The following SLC2A13 variants were observed in gnomAD, a reference collection of about 807,000 sequenced individuals.
The protein encoded by SLC2A13 is solute carrier family 2 member 13, also known as proton myo-inositol cotransporter.
A neutral mutation model predicts 64.4 loss-of-function variants in SLC2A13; 32 were observed. That is an observed-to-expected ratio of 0.50 (90% CI 0.37 to 0.67). The LOEUF (loss-of-function observed/expected upper bound fraction) is 0.67. Ranked by LOEUF, SLC2A13 falls within the 30% of genes least tolerant of loss-of-function variation. The pLI, the probability that SLC2A13 is intolerant of heterozygous loss-of-function variation, is 0.00. For synonymous variants in SLC2A13, 338 were observed against 327.1 expected (o/e 1.03, Z -0.36); for missense variants, 743 against 829.2 (o/e 0.90, Z 1.28).
At position 39,757,818 on chromosome 12, in the gene SLC2A13, T is replaced by C. The variant is rs992455914; in HGVS notation, c.*2208A>G. ...AGTTTCTCCTTTAATAAAGTTACTG[T>C]GCATCAGCCCAGCTGAGTTTATAAG... is the stretch of plus-strand genomic sequence containing the variant. On this transcript the variant is annotated 3_prime_UTR_variant, in exon 10 of 10. Transcript: ENST00000280871. 5.9e-5 allele frequency: 9 copies of C among 152,276 alleles called. No homozygotes were observed. Among genetic ancestry groups the C allele is most frequent in the African/African-American group, 2.2e-4 (9 of 41,370 alleles). The allele number at this position is 152,276 out of a possible 1,614,324, so 9.4% of individuals were successfully genotyped here.
chr12:39,901,886 T>C (rs1470314548), intron 4 of SLC2A13, among the ~76,000 whole-genome samples: 91 of 151,374 alleles, frequency 6.0e-4, no homozygotes, highest in Admixed American at 1.3e-3. Flanking sequence ...TAAAGACACA[T>C]GCACACGTAT....
intron 1 of SLC2A13, among the ~76,000 whole-genome samples, chr12:40,103,289 G>A (rs546752284): frequency 8.4e-4 from 128 of 151,972 alleles, no homozygotes; most frequent in Non-Finnish European, 1.7e-3. Context: ...TCCTTTCCTC[G>A]TTTCTGTTAA....
intron 2 of SLC2A13, among the ~76,000 whole-genome samples, chr12:40,042,530 T>C (rs760548506): frequency 5.9e-5 from 9 of 152,224 alleles, no homozygotes; most frequent in Admixed American, 2.0e-4. Context: ...ATTAATGATT[T>C]AATTTTTATC....
At chr12:40,034,405 C>T (rs1458132369) in intron 2 of SLC2A13, among the ~76,000 whole-genome samples, 1 of 152,152 alleles carries the variant, frequency 6.6e-6, no homozygotes, top group African/African-American at 2.4e-5. Context: ...AATCTTGATA[C>T]TTTCTGAAAC....
At chr12:39,950,643 T>C (rs1165041650) in intron 4 of SLC2A13, 1 of 152,236 alleles carries the variant, frequency 6.6e-6, no homozygotes, top group Non-Finnish European at 1.5e-5. Context: ...AAAATGGGTT[T>C]AATACTGAAT....
intron 1 of SLC2A13, among the ~76,000 whole-genome samples, chr12:40,077,393 A>G (rs1238690288): frequency 6.6e-6 from 1 of 152,164 alleles, no homozygotes; most frequent in Non-Finnish European, 1.5e-5. Flanking sequence ...TTCAAACACC[A>G]TTTATTAAAT....
intron 3 of SLC2A13, among the ~76,000 whole-genome samples, chr12:39,983,173 C>A (rs1174581475): frequency 4.6e-5 from 7 of 151,564 alleles, no homozygotes; most frequent in Non-Finnish European, 8.8e-5. Flanking sequence ...ATACAAAACT[C>A]AATTCAAGAT....
intron 3 of SLC2A13, among the ~76,000 whole-genome samples, chr12:40,023,609 G>A (rs1280296899): frequency 6.6e-6 from 1 of 152,178 alleles, no homozygotes; most frequent in Non-Finnish European, 1.5e-5. Context: ...TTTGTCATGA[G>A]AGACAATTTT....
At chr12:39,810,068 T>C (rs546001530) in intron 7 of SLC2A13, among the ~76,000 whole-genome samples, 111 of 152,346 alleles carry the variant, frequency 7.3e-4, no homozygotes, top group African/African-American at 2.5e-3. Flanking sequence ...TCTAGATCCC[T>C]GAGGAATCGC....
rs1947759027 is a variant in SLC2A13 at position 40,023,717 on chromosome 12, CCCTA to C, written c.925+4580_925+4583del. Among the ~76,000 whole-genome samples the C allele has an allele frequency of 2.0e-5, 3 of 152,306 alleles. No homozygotes were observed. The South Asian group carries it at 6.2e-4, about 32-fold the overall frequency. On this transcript the variant is annotated intron_variant, in intron 3 of 9. Coordinates refer to ENST00000280871, the MANE Select transcript of SLC2A13 (RefSeq NM_052885.4). ...TCTCATCTCTAGTGACATGGACAGA[CCCTA>C]CTTTTAATATCATCTCTAATGAATT... is the stretch of plus-strand genomic sequence containing the variant.
At chr12:39,955,195 T>C (rs949818766) in intron 3 of SLC2A13, among the ~76,000 whole-genome samples, 5 of 152,134 alleles carry the variant, frequency 3.3e-5, no homozygotes, top group Non-Finnish European at 7.4e-5. Context: ...GAAATTAACA[T>C]AGAAATCAGT....
intron 7 of SLC2A13, among the ~76,000 whole-genome samples, chr12:39,779,422 T>G (rs1412200690): frequency 6.6e-6 from 1 of 152,194 alleles, no homozygotes; most frequent in Admixed American, 6.5e-5. Flanking sequence ...TTTGGGGGAC[T>G]TTTATGACCC....
intron 3 of SLC2A13, among the ~76,000 whole-genome samples, chr12:39,972,052 A>AGAATTTATATT (rs1946667329): frequency 8.3e-4 from 1 of 1,208 alleles, no homozygotes; most frequent in East Asian, 0.045. Context: ...ATTATATATA[A>AGAATTTATATT]TATATAAAAA....
intron 6 of SLC2A13, among the ~76,000 whole-genome samples, chr12:39,862,010 T>A (rs753706908): frequency 6.6e-6 from 1 of 152,178 alleles, no homozygotes; most frequent in Non-Finnish European, 1.5e-5. Context: ...TAGCTATTTA[T>A]CCAAAAGCTC....
At chr12:40,083,967 G>T (rs536324853) in intron 1 of SLC2A13, among the ~76,000 whole-genome samples, 1 of 152,160 alleles carries the variant, frequency 6.6e-6, no homozygotes, top group South Asian at 2.1e-4. Context: ...TCAACACCAG[G>T]TATCATTCAT....
chr12:40,037,156 G>T (rs937165099), intron 2 of SLC2A13, among the ~76,000 whole-genome samples: 1 of 151,936 alleles, frequency 6.6e-6, no homozygotes, highest in Non-Finnish European at 1.5e-5. Context: ...ATACCTTTTG[G>T]TCTGAGTTCA....
intron 6 of SLC2A13, among the ~76,000 whole-genome samples, chr12:39,854,191 G>A (rs527605427): frequency 4.6e-5 from 7 of 151,900 alleles, no homozygotes; most frequent in African/African-American, 1.7e-4. Flanking sequence ...CATCACTTTA[G>A]GCAAATGATA....
intron 4 of SLC2A13, chr12:39,907,880 C>G (rs1455437001): frequency 1.3e-5 from 2 of 152,092 alleles, no homozygotes; most frequent in Non-Finnish European, 2.9e-5. Context: ...AGAATGGAGC[C>G]TTAGAATCAA....
At position 40,085,554 on chromosome 12, in the gene SLC2A13, C is replaced by G. The variant is rs535927633; in HGVS notation, c.556+19699G>C. Among the ~76,000 whole-genome samples, 5 of 152,282 alleles carry G rather than the reference C, an allele frequency of 3.3e-5. No homozygotes were observed. The East Asian group carries it at 9.7e-4, about 29-fold the overall frequency. Reference sequence around the variant, plus strand: ...TGGGGAGAAATCCCCCACATTTGGTCACAGAAGTCTTTTGTGTTGACTGTT... The same window carrying G: ...TGGGGAGAAATCCCCCACATTTGGTGACAGAAGTCTTTTGTGTTGACTGTT... On this transcript the variant is annotated intron_variant, in intron 1 of 9. Coordinates refer to ENST00000280871, the MANE Select transcript of SLC2A13 (RefSeq NM_052885.4).
Sources: allele counts gnomAD v4.1 joint callset (sites outside exome capture counted in the v4.1 genomes callset), GRCh38; gene constraint gnomAD v4.1.1; transcripts MANE v1.5; gene names NCBI Gene and HGNC (gene_info 2026-07-23, HGNC 2026-07-21).